The following CFAP77 variants were observed in gnomAD, a reference collection of about 807,000 sequenced individuals.
CFAP77 encodes the protein cilia- and flagella-associated protein 77.
In CFAP77, 25 loss-of-function variants were observed where a neutral mutation model predicts 31.1. The ratio of observed to expected loss-of-function variants is 0.80; its 90% confidence interval spans 0.59 to 1.12. The LOEUF (loss-of-function observed/expected upper bound fraction) is 1.12, where lower values mean the gene tolerates loss of function less well. Ranked by LOEUF, CFAP77 falls within the 50% of genes most tolerant of loss-of-function variation. The pLI is 0.00. For synonymous variants in CFAP77, 151 were observed against 159.9 expected (o/e 0.94, Z 0.42); for missense variants, 377 against 397.3 (o/e 0.95, Z 0.44).
At chr9:132,506,785 G>A (rs1851937423) in intron 3 of CFAP77, among the ~76,000 whole-genome samples, 1 of 152,130 alleles carries the variant, frequency 6.6e-6, no homozygotes, top group South Asian at 2.1e-4. Flanking sequence ...GCTCAAGTGA[G>A]TACAAGGTTG....
At chr9:132,548,286 G>GGGGGGGGGGGGGGGGGC (rs1564248910) in intron 5 of CFAP77, among the ~76,000 whole-genome samples, 3 of 128,890 alleles carry the variant, frequency 2.3e-5, no homozygotes, top group Admixed American at 7.9e-5. Flanking sequence ...GGGGGGTGGG[G>GGGGGGGGGGGGGGGGGC]GGTGAAGCTG....
At chr9:132,449,278 C>T (rs559753234) in intron 1 of CFAP77, among the ~76,000 whole-genome samples, 1 of 77,724 alleles carries the variant, frequency 1.3e-5, no homozygotes, top group African/African-American at 5.3e-5. Flanking sequence ...CACTCACCCT[C>T]CTCTCCTACT....
intron 3 of CFAP77, among the ~76,000 whole-genome samples, chr9:132,516,211 A>T (rs542745487): frequency 3.9e-5 from 6 of 152,166 alleles, no homozygotes; most frequent in African/African-American, 9.7e-5. Context: ...TTTTTAAAAA[A>T]ATATATATTG....
At chr9:132,550,878 T>C (rs1852810968) in intron 5 of CFAP77, among the ~76,000 whole-genome samples, 1 of 152,080 alleles carries the variant, frequency 6.6e-6, no homozygotes, top group Admixed American at 6.5e-5. Context: ...ATCAGATGAT[T>C]TCCTGGGATA....
At chr9:132,436,843 A>G (rs787882) in intron 1 of CFAP77, among the ~76,000 whole-genome samples, 28,849 of 152,126 alleles carry the variant, frequency 0.19, 3,037 homozygotes, top group African/African-American at 0.28. Flanking sequence ...TATGTCTAGT[A>G]TGATAGCAGT....
chr9:132,563,992 A>G (rs974871496), intron 5 of CFAP77, among the ~76,000 whole-genome samples: 1 of 152,038 alleles, frequency 6.6e-6, no homozygotes, highest in Admixed American at 6.6e-5. Context: ...CTTGTGTGCT[A>G]TTTCCTCAGG....
At chr9:132,488,567 T>C (rs563674318) in intron 1 of CFAP77, among the ~76,000 whole-genome samples, 154 of 152,316 alleles carry the variant, frequency 1.0e-3, no homozygotes, top group African/African-American at 3.5e-3. Context: ...AGTTGTGCCA[T>C]GTAAATGGGC....
Position 132,486,093 on chromosome 9 carries a change from T to TTA in CFAP77, c.196-12601_196-12600insAT, listed in dbSNP as rs1324803141. Among the ~76,000 whole-genome samples, 35 of 62,940 alleles carry TTA rather than the reference T, an allele frequency of 5.6e-4. 6 individuals carry two copies. The highest frequency in any genetic ancestry group is 1.6e-3 in the African/African-American group (20 of 12,570). The allele number at this position is 62,940 out of a possible 152,430, so 41.3% of individuals were successfully genotyped here. A position where few individuals can be genotyped will look rare whatever the true frequency, so the allele number is the denominator to read the frequency against. On this transcript the variant is annotated intron_variant, in intron 1 of 5. Transcript: ENST00000393216. ...ATATATATATATATATATATATATT[T>TTA]TTTTTTTTTTTTTTTTTGAGACGGA...
chr9:132,569,143 G>A (rs1829923687), intron 5 of CFAP77, among the ~76,000 whole-genome samples: 1 of 152,162 alleles, frequency 6.6e-6, no homozygotes, highest in South Asian at 2.1e-4. Context: ...ATATCTTTCA[G>A]AAAAGTAAAA....
chr9:132,431,781 C>T (rs1297878034), intron 1 of CFAP77, among the ~76,000 whole-genome samples: 1 of 152,112 alleles, frequency 6.6e-6, no homozygotes, highest in Admixed American at 6.5e-5. Context: ...CCAAATTTCC[C>T]CAAATTTACT....
chr9:132,554,033 C>A lies in CFAP77; in HGVS notation c.732+10986C>A, dbSNP rs1049573751. Among the ~76,000 whole-genome samples the A allele has an allele frequency of 6.6e-6, 1 of 152,174 alleles. No individual in the cohort carries two copies. Among genetic ancestry groups the A allele is most frequent in the African/African-American group, 2.4e-5 (1 of 41,436 alleles). The stretch of plus-strand genomic sequence containing the variant: ...GCCAGGCACCATTCCAGGGGCTTGG[C>A]AATGACCCCACGGGATGGGTAGTAT... On this transcript the variant is annotated intron_variant, in intron 5 of 5. Coordinates refer to ENST00000393216, the MANE Select transcript of CFAP77 (RefSeq NM_001282957.2). The surrounding 1 kb of genome is among the most constrained non-coding windows in gnomAD (Gnocchi z 4.1).
At chr9:132,487,263 C>T (rs575860380) in intron 1 of CFAP77, among the ~76,000 whole-genome samples, 1 of 152,250 alleles carries the variant, frequency 6.6e-6, no homozygotes, top group African/African-American at 2.4e-5. Context: ...CCCAAGGTCA[C>T]ACGGGAAGTG....
At chr9:132,479,499 G>A (rs1851410609) in intron 1 of CFAP77, among the ~76,000 whole-genome samples, 1 of 152,334 alleles carries the variant, frequency 6.6e-6, no homozygotes, top group East Asian at 1.9e-4. Context: ...CCTCCTTGTG[G>A]CGTTCTTGAA....
intron 1 of CFAP77, among the ~76,000 whole-genome samples, chr9:132,428,576 T>G (rs781512294): frequency 6.6e-6 from 1 of 151,874 alleles, no homozygotes; most frequent in Non-Finnish European, 1.5e-5. Flanking sequence ...GATTGCACCA[T>G]TGCACTCCAG....
intron 5 of CFAP77, among the ~76,000 whole-genome samples, chr9:132,569,708 C>A (rs1271696138): frequency 1.3e-5 from 2 of 149,072 alleles, no homozygotes; most frequent in African/African-American, 5.0e-5. Context: ...CACCTGTCTT[C>A]CTAAGTGTCT....
At position 132,501,705 on chromosome 9, in the gene CFAP77, A is replaced by G. The variant is rs549414054; in HGVS notation, c.524+2105A>G. On this transcript the variant is annotated intron_variant, in intron 3 of 5. Transcript: ENST00000393216. The surrounding 1 kb of genome is among the most constrained non-coding windows in gnomAD (Gnocchi z 4.6). ...GGTGTGAGCCACTGCGCCCGGTTAC[A>G]TGACTATCTTCTACTCAGCCACTGT... 4.2e-4 allele frequency among the ~76,000 whole-genome samples: 64 copies of G among 152,280 alleles called. No homozygotes were observed. Among genetic ancestry groups the G allele is most frequent in the African/African-American group, 1.5e-3 (61 of 41,566 alleles).
At chr9:132,530,508 C>T (rs1199612475) in intron 3 of CFAP77, among the ~76,000 whole-genome samples, 1 of 152,154 alleles carries the variant, frequency 6.6e-6, no homozygotes, top group African/African-American at 2.4e-5. Context: ...CTCCTGACCT[C>T]AGGTGATCTG....
At chr9:132,523,045 C>T (rs557740071) in intron 3 of CFAP77, among the ~76,000 whole-genome samples, 17 of 151,760 alleles carry the variant, frequency 1.1e-4, no homozygotes, top group Admixed American at 2.6e-4. Flanking sequence ...TCCCCTGCCT[C>T]GGGCCTCGCT....
At position 132,517,191 on chromosome 9, in the gene CFAP77, T is replaced by C. The variant is rs896219114; in HGVS notation, c.524+17591T>C. Among the ~76,000 whole-genome samples, 20 of 152,142 alleles carry C rather than the reference T, an allele frequency of 1.3e-4. No homozygotes were observed. The highest frequency in any genetic ancestry group is 4.3e-4 in the African/African-American group (18 of 41,420). ...CTTCTCCCTCCTCCCAAACCAGCCA[T>C]CTACGGTCTCAGGCCCAGCCTCAGA... On this transcript the variant is annotated intron_variant, in intron 3 of 5. Coordinates refer to ENST00000393216, the MANE Select transcript of CFAP77 (RefSeq NM_001282957.2). The surrounding 1 kb of genome is among the most constrained non-coding windows in gnomAD (Gnocchi z 4.7).
Sources: allele counts gnomAD v4.1 joint callset (sites outside exome capture counted in the v4.1 genomes callset), GRCh38; gene constraint gnomAD v4.1.1; non-coding constraint Gnocchi (gnomAD v3.1); transcripts MANE v1.5; gene names NCBI Gene and HGNC (gene_info 2026-07-23, HGNC 2026-07-21).